The following ORC4 variants were observed in gnomAD, a reference collection of about 807,000 sequenced individuals.
The protein encoded by ORC4 is origin recognition complex, subunit 4 homolog.
ORC4 carries 55 observed loss-of-function variants against 63.9 expected under a neutral mutation model. The observed-to-expected ratio is 0.86, with a 90% CI of 0.69 to 1.08. The LOEUF is 1.08. Among genes scored for constraint, ORC4 ranks in the 50% least tolerant of loss-of-function variants. ORC4 has a pLI of 0.00. For missense variants in ORC4, 511 were observed against 504.4 expected (o/e 1.01, Z -0.13); for synonymous variants, 150 against 168.5 (o/e 0.89, Z 0.85).
intron 2 of ORC4, among the ~76,000 whole-genome samples, chr2:147,974,865 G>A (rs1573823392): frequency 6.7e-6 from 1 of 148,432 alleles, no homozygotes; most frequent in Non-Finnish European, 1.5e-5. Context: ...AGGCAGTAAC[G>A]GGGTATAAAA....
chr2:147,952,634 T>G, intron 7 of ORC4, 110 bp from the exon 8 acceptor site: 1 of 824,180 alleles, frequency 1.2e-6, no homozygotes, highest in East Asian at 2.5e-5. Context: ...GTAAACATTC[T>G]GATAGCCTAC....
intron 1 of ORC4, among the ~76,000 whole-genome samples, chr2:148,012,107 T>C (rs977509822): frequency 6.6e-6 from 1 of 151,964 alleles, no homozygotes; most frequent in African/African-American, 2.4e-5. Flanking sequence ...CCTAAAATTG[T>C]ATGGAAGCAC....
chr2:147,985,039 T>G (rs72855228), intron 1 of ORC4, among the ~76,000 whole-genome samples: 17 of 152,338 alleles, frequency 1.1e-4, no homozygotes, highest in Non-Finnish European at 1.9e-4. Context: ...TGAGGTTTCA[T>G]GAGTACTTAT....
intron 1 of ORC4, among the ~76,000 whole-genome samples, chr2:148,005,681 C>CAAAAAAAAAAAAAAAAAAAAAAAAAAA (rs1558876747): frequency 2.1e-5 from 1 of 46,876 alleles, no homozygotes. Context: ...AAAAAAAAAA[C>CAAAAAAAAAAAAAAAAAAAAAAAAAAA]AACCTTCATA....
Position 147,932,295 on chromosome 2 carries a change from G to GAAAT in ORC4, c.*3211_*3214dup, listed in dbSNP as rs1687811347. On this transcript the variant is annotated 3_prime_UTR_variant, in exon 14 of 14. Coordinates refer to ENST00000392857, the MANE Select transcript of ORC4 (RefSeq NM_181741.4). ...GGAGAACTACAAGCTACTGCTCAAG[G>GAAAT]AAATAAAAGAGGATACAAACAAATG... is the stretch of plus-strand genomic sequence containing the variant. The GAAAT allele has an allele frequency of 6.6e-6, 1 of 152,098 alleles. No individual in the cohort carries two copies. The highest frequency in any genetic ancestry group is 2.4e-5 in the African/African-American group (1 of 41,382). The allele number at this position is 152,098 out of a possible 1,614,324, so 9.4% of individuals were successfully genotyped here.
rs765532720 is a variant in ORC4 at position 148,019,164 on chromosome 2, G to C, written c.-18+1469C>G. On this transcript the variant is annotated intron_variant, in intron 1 of 13. Transcript: ENST00000392857. ...ACAGGAGTCTAGTTTTGATTCCATC[G>C]GACATGATTACCGTACACAATACAG... Among the ~76,000 whole-genome samples the C allele has an allele frequency of 2.6e-5, 4 of 152,056 alleles. No homozygotes were observed. In the South Asian group the frequency reaches 8.3e-4, roughly 32 times the overall value.
intron 10 of ORC4, among the ~76,000 whole-genome samples, chr2:147,941,021 G>C (rs567979695): frequency 2.6e-4 from 40 of 152,118 alleles, no homozygotes; most frequent in African/African-American, 9.4e-4. Flanking sequence ...TTTGGGCACT[G>C]AAAGTAATGG....
intron 1 of ORC4, among the ~76,000 whole-genome samples, chr2:147,996,305 AAAACAAACAAAC>A (rs200639020): frequency 1.3e-5 from 2 of 152,332 alleles, no homozygotes; most frequent in South Asian, 4.1e-4. Context: ...TCCATCTCAA[AAAACAAACAAAC>A]AAACAAACAA....
chr2:147,972,968 A>C lies in ORC4; in HGVS notation c.135-139T>G. 6.6e-6 allele frequency: 4 copies of C among 604,830 alleles called. No individual in the cohort carries two copies. In the South Asian group the frequency reaches 8.4e-5, roughly 13 times the overall value. 37.5% of individuals were successfully genotyped at this position (604,830 alleles called of 1,614,324 possible). A position where few individuals can be genotyped will look rare whatever the true frequency, so the allele number is the denominator to read the frequency against. On this transcript the variant is annotated intron_variant, in intron 3 of 13. Coordinates refer to ENST00000392857, the MANE Select transcript of ORC4 (RefSeq NM_181741.4). ...CTCTGGGTACTTGGCCTAGCTTCTG[A>C]ATGGTCCTAAATAGAAAAATACAAA...
intron 1 of ORC4, among the ~76,000 whole-genome samples, chr2:148,017,475 C>T (rs181521139): frequency 6.6e-6 from 1 of 152,180 alleles, no homozygotes; most frequent in Admixed American, 6.5e-5. Flanking sequence ...AGTTTGAGAC[C>T]AGCCTAGCCA....
At chr2:147,977,395 CATT>C (rs1204433722) in intron 1 of ORC4, among the ~76,000 whole-genome samples, 1 of 152,162 alleles carries the variant, frequency 6.6e-6, no homozygotes, top group East Asian at 1.9e-4. Flanking sequence ...CAATGATTAA[CATT>C]ATAATAATGC....
chr2:147,969,319 T>C (rs1352415921), intron 4 of ORC4, among the ~76,000 whole-genome samples: 1 of 152,004 alleles, frequency 6.6e-6, no homozygotes, highest in South Asian at 2.1e-4. Context: ...TGATAAATGT[T>C]TGAGATGATT....
At chr2:147,953,119 C>A (rs1689054260) in intron 7 of ORC4, among the ~76,000 whole-genome samples, 1 of 149,556 alleles carries the variant, frequency 6.7e-6, no homozygotes. Context: ...CACCTAAGGT[C>A]AGGGGTTTGA....
At chr2:147,987,186 T>TAA (rs11399347) in intron 1 of ORC4, among the ~76,000 whole-genome samples, 42 of 143,694 alleles carry the variant, frequency 2.9e-4, no homozygotes, top group East Asian at 6.1e-4. Flanking sequence ...TTGAGATCTT[T>TAA]AAAAAAAAAA....
At chr2:147,985,804 C>A (rs555706354) in intron 1 of ORC4, among the ~76,000 whole-genome samples, 198 of 152,202 alleles carry the variant, frequency 1.3e-3, no homozygotes, top group Non-Finnish European at 3.5e-4. Flanking sequence ...TCTCTGCTTG[C>A]TGACTAGCAA....
At chr2:147,986,776 G>GACACACACACACACACAC (rs1048997022) in intron 1 of ORC4, among the ~76,000 whole-genome samples, 1 of 101,306 alleles carries the variant, frequency 9.9e-6, no homozygotes, top group African/African-American at 4.7e-5. Context: ...ATTTTATACA[G>GACACACACACACACACAC]ACACACACAC....
intron 4 of ORC4, among the ~76,000 whole-genome samples, chr2:147,961,752 G>T (rs1328495164): frequency 6.6e-6 from 1 of 152,112 alleles, no homozygotes; most frequent in East Asian, 1.9e-4. Flanking sequence ...GCAAAAAGTA[G>T]ATAAACTGTC....
chr2:147,984,713 T>C (rs1478266052), intron 1 of ORC4, among the ~76,000 whole-genome samples: 1 of 152,246 alleles, frequency 6.6e-6, no homozygotes, highest in Non-Finnish European at 1.5e-5. Flanking sequence ...CATCTAAAGC[T>C]GTCTGCTCTC....
chr2:147,980,929 C>T (rs923765534), intron 1 of ORC4, among the ~76,000 whole-genome samples: 2 of 152,152 alleles, frequency 1.3e-5, no homozygotes, highest in African/African-American at 2.4e-5. Context: ...CCCATATACA[C>T]TCCAGCATTA....
Sources: gnomAD v4.1 joint callset for allele counts (sites outside exome capture counted in the v4.1 genomes callset) on GRCh38, gnomAD v4.1.1 for gene constraint, MANE v1.5 for transcripts, NCBI Gene and HGNC (gene_info 2026-07-23, HGNC 2026-07-21) for gene names.